Variants in CECR2 observed in about 807,000 individuals in gnomAD.
The protein encoded by CECR2 is chromatin remodeling regulator CECR2.
A neutral mutation model predicts 154.5 loss-of-function variants in CECR2; 30 were observed. The ratio of observed to expected loss-of-function variants is 0.19; its 90% confidence interval spans 0.15 to 0.26. CECR2 has a LOEUF of 0.26. Ranked by LOEUF, CECR2 falls within the 10% of genes least tolerant of loss-of-function variation. The pLI is 1.00. For synonymous variants in CECR2, 725 were observed against 683.7 expected, an observed-to-expected ratio of 1.06 and a Z score of -0.94; for missense variants, 1,743 against 1,829.3, an observed-to-expected ratio of 0.95 and a Z score of 0.86.
chr22:17,442,706 G>A (rs1341970185), intron 1 of CECR2, among the ~76,000 whole-genome samples: 3 of 151,922 alleles, frequency 2.0e-5, no homozygotes, highest in Non-Finnish European at 4.4e-5. Flanking sequence ...CGCCACCACC[G>A]CCTGGCTAAT....
intron 1 of CECR2, among the ~76,000 whole-genome samples, chr22:17,431,695 G>GAA (rs911771655): frequency 6.7e-6 from 1 of 149,278 alleles, no homozygotes; most frequent in Non-Finnish European, 1.5e-5. Flanking sequence ...ACTTAAAATG[G>GAA]AAAAAAAAAG....
intron 7 of CECR2, among the ~76,000 whole-genome samples, chr22:17,506,070 C>T (rs1388843753): frequency 6.6e-6 from 1 of 151,964 alleles, no homozygotes; most frequent in African/African-American, 2.4e-5. Context: ...TTGTCCCAAA[C>T]TCCTAGCCTC....
At chr22:17,492,011 C>T (rs958374611) in intron 2 of CECR2, among the ~76,000 whole-genome samples, 1 of 152,160 alleles carries the variant, frequency 6.6e-6, no homozygotes, top group African/African-American at 2.4e-5. Flanking sequence ...ATTATTTTGG[C>T]CTGGTCTTTT....
At chr22:17,533,613 G>C (rs1349754406) in intron 9 of CECR2, among the ~76,000 whole-genome samples, 1 of 151,924 alleles carries the variant, frequency 6.6e-6, no homozygotes, top group African/African-American at 2.4e-5. Flanking sequence ...CTGGGTGATA[G>C]AGTGAGGCTC....
intron 1 of CECR2, among the ~76,000 whole-genome samples, chr22:17,436,130 T>C (rs1271028792): frequency 2.0e-5 from 3 of 152,102 alleles, no homozygotes; most frequent in African/African-American, 7.2e-5. Flanking sequence ...AGTTAATTTT[T>C]TATATTTTTA....
rs571933338 is a variant in CECR2, at chr22:17,500,269, T to C, written c.546-362T>C. On this transcript the variant is annotated intron_variant, in intron 4 of 18. Transcript: ENST00000262608. ...TTTATGAACGTTAGTATCCATCAGT[T>C]TAAGAACAGAAGGAATTTAAATGAT... Among the ~76,000 whole-genome samples the C allele has an allele frequency of 6.1e-4, 93 of 151,224 alleles. 2 individuals are homozygous for C. The highest frequency in any genetic ancestry group is 2.2e-3 in the African/African-American group (91 of 40,756).
intron 1 of CECR2, among the ~76,000 whole-genome samples, chr22:17,446,582 T>C (rs1445072071): frequency 1.3e-5 from 2 of 149,866 alleles, no homozygotes; most frequent in African/African-American, 5.0e-5. Flanking sequence ...CCGGGTGTGG[T>C]GGCGGGCGCC....
chr22:17,497,615 T>C, intron 3 of CECR2, 29 bp downstream of exon 3: 1 of 1,604,834 alleles, frequency 6.2e-7, no homozygotes, highest in South Asian at 1.1e-5. Context: ...CCTTTCCCTG[T>C]AGCTGTGAAA....
intron 3 of CECR2, among the ~76,000 whole-genome samples, chr22:17,498,244 A>G (rs935638048): frequency 7.2e-5 from 11 of 152,142 alleles, no homozygotes; most frequent in African/African-American, 2.4e-4. Context: ...AAAAAAAATT[A>G]GCCGGGCGTG....
At chr22:17,412,376 CTTCT>C (rs948781760) in intron 1 of CECR2, among the ~76,000 whole-genome samples, 1 of 152,158 alleles carries the variant, frequency 6.6e-6, no homozygotes, top group Non-Finnish European at 1.5e-5. Context: ...GTTTCTAGCT[CTTCT>C]TTCCTTGTTC....
chr22:17,402,347 T>TA lies in CECR2; in HGVS notation c.126+32439dup, dbSNP rs200818069. Among the ~76,000 whole-genome samples the TA allele has an allele frequency of 3.8e-3, 576 of 152,342 alleles. 3 individuals carry two copies. The highest frequency in any genetic ancestry group is 0.013 in the African/African-American group (540 of 41,576). ...AATCATTTTAGATTTATAGAATAGT[T>TA]ACAATGACAGCACAGAGAAAGACTT... On this transcript the variant is annotated intron_variant, in intron 1 of 18. Transcript: ENST00000262608.
chr22:17,441,547 C>T (rs569813107), intron 1 of CECR2, among the ~76,000 whole-genome samples: 111 of 152,126 alleles, frequency 7.3e-4, no homozygotes, highest in African/African-American at 2.3e-3. Context: ...AAAAAGTAGC[C>T]GGGGGAGATT....
Position 17,504,878 on chromosome 22 carries a change from G to C in CECR2, c.732G>C (p.Trp244Cys), listed in dbSNP as rs747810331. The change falls in exon 7 of 19, where the codon TGG (tryptophan) becomes TGC (cysteine). Residue 244 changes from tryptophan (W) to cysteine (C), a missense_variant. Coordinates refer to ENST00000262608, the MANE Select transcript of CECR2 (RefSeq NM_001290047.2). ...AAGGGCCAGGCCAAGGTACTTGGTG[G>C]CTCCTGTGCCAGACAGAAGAGGAAT... is the stretch of plus-strand genomic sequence containing the variant. ...GSQGPGQGTW[W>C]LLCQTEEEWR... is the part of the protein sequence containing the mutation. 2.5e-6 allele frequency: 4 copies of C among 1,613,708 alleles called. No individual in the cohort carries two copies. The African/African-American group carries it at 5.3e-5, about 22-fold the overall frequency.
chr22:17,504,929 C>T lies in CECR2; in HGVS notation c.783C>T (p.Arg261=), dbSNP rs766186451. The T allele has an allele frequency of 1.4e-5, 23 of 1,613,712 alleles. No individual in the cohort carries two copies. Among genetic ancestry groups the T allele is most frequent in the South Asian group, 5.5e-5 (5 of 91,048 alleles). The change falls in exon 7 of 19, where the codon CGC becomes CGT. Residue 261 remains arginine, a synonymous_variant. Coordinates refer to ENST00000262608, the MANE Select transcript of CECR2 (RefSeq NM_001290047.2). ...EEWRQVTESF[R]ERTSLRERQL... ...GGAGACAGGTCACCGAGAGTTTTCGCGAGAGGACCTCCCTTCGAGAACGGC... is the reference window on the plus strand; with the variant it reads ...GGAGACAGGTCACCGAGAGTTTTCGTGAGAGGACCTCCCTTCGAGAACGGC...
At chr22:17,421,386 C>T (rs1019822090) in intron 1 of CECR2, among the ~76,000 whole-genome samples, 2 of 151,686 alleles carry the variant, frequency 1.3e-5, no homozygotes, top group South Asian at 4.2e-4. Context: ...GAGGCCGAGG[C>T]GGGCGGATCA....
At chr22:17,377,116 A>G (rs891583281) in intron 1 of CECR2, among the ~76,000 whole-genome samples, 6 of 152,192 alleles carry the variant, frequency 3.9e-5, no homozygotes, top group Non-Finnish European at 5.9e-5. Flanking sequence ...AGCATGCATA[A>G]CACTCTTAAC....
intron 1 of CECR2, among the ~76,000 whole-genome samples, chr22:17,376,901 A>T (rs1377601700): frequency 2.0e-5 from 3 of 151,982 alleles, no homozygotes; most frequent in African/African-American, 7.2e-5. Context: ...CTCCCAAAGT[A>T]CTGGGATTAA....
chr22:17,380,826 T>C (rs1433011136), intron 1 of CECR2, among the ~76,000 whole-genome samples: 2 of 152,134 alleles, frequency 1.3e-5, no homozygotes, highest in African/African-American at 4.8e-5. Flanking sequence ...TGCAAGAGTG[T>C]TTTCTTCTCC....
At chr22:17,401,696 A>G (rs554661717) in intron 1 of CECR2, among the ~76,000 whole-genome samples, 36 of 152,222 alleles carry the variant, frequency 2.4e-4, no homozygotes, top group Middle Eastern at 3.4e-3. Context: ...GATAGATAGT[A>G]CTATAGTTTG....
Sources: gnomAD v4.1 joint callset for allele counts (sites outside exome capture counted in the v4.1 genomes callset) on GRCh38, gnomAD v4.1.1 for gene constraint, MANE v1.5 for transcripts, NCBI Gene and HGNC (gene_info 2026-07-23, HGNC 2026-07-21) for gene names.